Variants in DTL observed in about 807,000 individuals in gnomAD.
DTL encodes the protein denticleless protein homolog.
A neutral mutation model predicts 87.0 loss-of-function variants in DTL; 46 were observed. That is an observed-to-expected ratio of 0.53 (90% CI 0.42 to 0.68). DTL has a LOEUF of 0.68. Ranked by LOEUF, DTL falls within the 30% of genes least tolerant of loss-of-function variation. The pLI, the probability that DTL is intolerant of heterozygous loss-of-function variation, is 0.00. For missense variants in DTL, 737 were observed against 869.4 expected (o/e 0.85, Z 1.91); for synonymous variants, 308 against 311.2 (o/e 0.99, Z 0.11).
chr1:212,057,627 C>T (rs558777371), intron 5 of DTL, among the ~76,000 whole-genome samples: 6 of 151,890 alleles, frequency 4.0e-5, no homozygotes, highest in South Asian at 2.1e-4. Context: ...TTACCACTAC[C>T]GAATACCATG....
At chr1:212,050,513 C>T (rs1667937147) in intron 5 of DTL, among the ~76,000 whole-genome samples, 1 of 152,194 alleles carries the variant, frequency 6.6e-6, no homozygotes, top group South Asian at 2.1e-4. Context: ...CACCTTCTTT[C>T]TCATTCTTCA....
chr1:212,101,584 T>G (rs1231494142), intron 14 of DTL, among the ~76,000 whole-genome samples: 1 of 152,240 alleles, frequency 6.6e-6, no homozygotes. Flanking sequence ...ACAGTGAAAC[T>G]TAGATACTTA....
intron 13 of DTL, 151 bp downstream of exon 13, chr1:212,080,901 C>T (rs1654972201): frequency 2.5e-6 from 2 of 810,854 alleles, no homozygotes; most frequent in Non-Finnish European, 3.8e-6. Context: ...TAAGTATTTC[C>T]CAAGCACTAC....
chr1:212,041,279 A>G (rs1667632550), intron 1 of DTL, among the ~76,000 whole-genome samples: 1 of 152,144 alleles, frequency 6.6e-6, no homozygotes, highest in Non-Finnish European at 1.5e-5. Context: ...AGGCAGAGTT[A>G]AAGAGTCATT....
chr1:212,044,144 A>T (rs2102527422), intron 2 of DTL, among the ~76,000 whole-genome samples: 1 of 152,188 alleles, frequency 6.6e-6, no homozygotes, highest in East Asian at 1.9e-4. Context: ...GTAAATAAAA[A>T]TATGGTTAAA....
intron 13 of DTL, among the ~76,000 whole-genome samples, chr1:212,088,077 G>A (rs1332678182): frequency 2.0e-5 from 3 of 152,180 alleles, no homozygotes; most frequent in African/African-American, 7.2e-5. Flanking sequence ...AGCTTTTCAA[G>A]TCCGTGTATC....
chr1:212,101,448 T>C (rs1396663523), intron 14 of DTL, among the ~76,000 whole-genome samples: 2 of 152,110 alleles, frequency 1.3e-5, no homozygotes, highest in Non-Finnish European at 2.9e-5. Context: ...TTCAAAAATA[T>C]CTCCCCTCTC....
In DTL at chr1:212,100,698, A is replaced by G; in HGVS notation, c.1708A>G (p.Ser570Gly). 6.2e-7 allele frequency: 1 copy of G among 1,614,112 alleles called. No homozygotes were observed. Among genetic ancestry groups the G allele is most frequent in the Non-Finnish European group, 8.5e-7 (1 of 1,180,022 alleles). ...GAGTGTGAAACAAAAGTGTGTGAAGAGTTGTAACTGTGTGACTGAGCTTGA... is the reference window on the plus strand; with the variant it reads ...GAGTGTGAAACAAAAGTGTGTGAAGGGTTGTAACTGTGTGACTGAGCTTGA... The part of the protein sequence containing the change: ...LESVKQKCVK[S>G]CNCVTELDGQ... The change falls in exon 14 of 15, where the codon AGT (serine) becomes GGT (glycine). Residue 570 changes from serine to glycine, a missense_variant. Physicochemically the swap from Ser to Gly is moderately conservative, Grantham distance 56. Coordinates refer to ENST00000366991, the MANE Select transcript of DTL (RefSeq NM_016448.4).
chr1:212,063,128 G>A (rs1654384116), intron 6 of DTL, among the ~76,000 whole-genome samples, 179 bp downstream of exon 6: 1 of 152,024 alleles, frequency 6.6e-6, no homozygotes, highest in Non-Finnish European at 1.5e-5. Context: ...ATAAATACAT[G>A]AGTGTCACTG....
At chr1:212,067,025 A>G (rs1050199351) in intron 8 of DTL, 140 bp downstream of exon 8, 9 of 676,440 alleles carry the variant, frequency 1.3e-5, no homozygotes, top group African/African-American at 7.3e-5. Context: ...GAAAGGAGCT[A>G]TAGATCACAT....
chr1:212,055,862 C>G (rs959543683), intron 5 of DTL, among the ~76,000 whole-genome samples: 7 of 152,194 alleles, frequency 4.6e-5, no homozygotes, highest in Non-Finnish European at 4.4e-5. Context: ...CTCTGGGAGG[C>G]CTGAGGATTG....
chr1:212,066,994 A>G (rs1654526050), intron 8 of DTL, 109 bp downstream of exon 8: 4 of 897,704 alleles, frequency 4.5e-6, no homozygotes, highest in Non-Finnish European at 6.9e-6. Flanking sequence ...AACTGTCAAC[A>G]TAGCAAGTAC....
At chr1:212,051,431 G>T (rs1392719362) in intron 5 of DTL, 1 of 331,430 alleles carries the variant, frequency 3.0e-6, no homozygotes, top group African/African-American at 4.7e-5. Context: ...ATTTTTGTTG[G>T]ATATGAAATT....
At chr1:212,040,445 C>T (rs964545434) in intron 1 of DTL, among the ~76,000 whole-genome samples, 1 of 152,122 alleles carries the variant, frequency 6.6e-6, no homozygotes, top group African/African-American at 2.4e-5. Flanking sequence ...AGTTTAGGCA[C>T]AGTAAGAGAT....
rs77596575 is a variant in DTL at position 212,068,373 on chromosome 1, A to C, written c.817+46A>C. ...TTGGGGGAGATAAGAGTTTTTGTTT[A>C]AAAAAAAAAAAAAAGGCTAATTTCC... is the stretch of plus-strand genomic sequence containing the variant. On this transcript the variant is annotated intron_variant, in intron 9 of 14. Coordinates refer to ENST00000366991, the MANE Select transcript of DTL (RefSeq NM_016448.4). 5 of 101,886 alleles carry C rather than the reference A, an allele frequency of 4.9e-5. No individual in the cohort carries two copies. The East Asian group carries it at 1.3e-3, about 26-fold the overall frequency. The allele number at this position is 101,886 out of a possible 1,614,324, so 6.3% of individuals were successfully genotyped here. A position where few individuals can be genotyped will look rare whatever the true frequency, so the allele number is the denominator to read the frequency against.
chr1:212,089,921 CT>C (rs1655235523), intron 13 of DTL, among the ~76,000 whole-genome samples: 1 of 152,182 alleles, frequency 6.6e-6, no homozygotes, highest in Non-Finnish European at 1.5e-5. Context: ...AATTTTAGGA[CT>C]TTCTGCCCTA....
Position 212,035,831 on chromosome 1 carries a change from G to A in DTL, c.-60G>A. The A allele has an allele frequency of 1.3e-6, 2 of 1,544,556 alleles. No homozygotes were observed. Among genetic ancestry groups the A allele is most frequent in the South Asian group, 1.1e-5 (1 of 89,516 alleles). ...GTGAGAGGCGCAAGCTGCGATTTCT[G>A]CTGAACTTGGAGGCATTTCTACGAC... On this transcript the variant is annotated 5_prime_UTR_variant, in exon 1 of 15. Coordinates refer to ENST00000366991, the MANE Select transcript of DTL (RefSeq NM_016448.4).
intron 13 of DTL, among the ~76,000 whole-genome samples, chr1:212,089,793 A>G (rs1655231383): frequency 6.6e-6 from 1 of 152,178 alleles, no homozygotes; most frequent in Admixed American, 6.5e-5. Flanking sequence ...CTTATCAGTA[A>G]ATACTCCAGT....
Position 212,103,012 on chromosome 1 carries a change from T to A in DTL, c.*72T>A, listed in dbSNP as rs1571990239. On this transcript the variant is annotated 3_prime_UTR_variant, in exon 15 of 15. Coordinates refer to ENST00000366991, the MANE Select transcript of DTL (RefSeq NM_016448.4). Reference sequence around the variant, plus strand: ...TGAGCTTTGGTCCACTAAAACAAGATGAAAAATACAAGAGTGACTCTATAA... The same window carrying A: ...TGAGCTTTGGTCCACTAAAACAAGAAGAAAAATACAAGAGTGACTCTATAA... 2 of 868,530 alleles carry A rather than the reference T, an allele frequency of 2.3e-6. No homozygotes were observed. The highest frequency in any genetic ancestry group is 3.6e-6 in the Non-Finnish European group (2 of 549,056). 53.8% of individuals were successfully genotyped at this position (868,530 alleles called of 1,614,324 possible). A position where few individuals can be genotyped will look rare whatever the true frequency, so the allele number is the denominator to read the frequency against.
Sources: gnomAD v4.1 joint callset for allele counts (sites outside exome capture counted in the v4.1 genomes callset) on GRCh38, gnomAD v4.1.1 for gene constraint, MANE v1.5 for transcripts, NCBI Gene and HGNC (gene_info 2026-07-23, HGNC 2026-07-21) for gene names.